Variants in MAP3K7 observed in about 807,000 individuals in gnomAD.
The protein encoded by MAP3K7 is TGF-beta activated kinase 1.
In MAP3K7, 21 loss-of-function variants were observed where a neutral mutation model predicts 84.8. The observed-to-expected ratio is 0.25, with a 90% CI of 0.18 to 0.36. MAP3K7 has a LOEUF of 0.36. Ranked by LOEUF, MAP3K7 falls within the 10% of genes least tolerant of loss-of-function variation. The pLI, the probability that MAP3K7 is intolerant of heterozygous loss-of-function variation, is 1.00. For synonymous variants in MAP3K7, 241 were observed against 247.7 expected, an observed-to-expected ratio of 0.97 and a Z score of 0.25; for missense variants, 503 against 747.7, an observed-to-expected ratio of 0.67 and a Z score of 3.82.
chr6:90,557,969 A>C (rs749674117), intron 5 of MAP3K7, among the ~76,000 whole-genome samples: 15 of 152,186 alleles, frequency 9.9e-5, no homozygotes, highest in Admixed American at 2.0e-4. Flanking sequence ...TTCTTTAGAT[A>C]CCATTTTGAG....
intron 1 of MAP3K7, among the ~76,000 whole-genome samples, chr6:90,579,136 G>C (rs1777182610): frequency 6.6e-6 from 1 of 152,176 alleles, no homozygotes; most frequent in African/African-American, 2.4e-5. Flanking sequence ...CTGGTACAGA[G>C]AAAAATGCTA....
intron 3 of MAP3K7, among the ~76,000 whole-genome samples, chr6:90,567,813 C>T (rs1237316510): frequency 6.6e-6 from 1 of 152,144 alleles, no homozygotes; most frequent in Non-Finnish European, 1.5e-5. Flanking sequence ...GGAACCAACC[C>T]AAATGTCCAT....
intron 9 of MAP3K7, 105 bp from the exon 10 acceptor site, chr6:90,548,282 A>C: frequency 1.0e-6 from 1 of 966,662 alleles, no homozygotes. Flanking sequence ...AGGCAGGAAC[A>C]GAAATAAAAT....
At chr6:90,531,406 A>G (rs1775500572) in intron 13 of MAP3K7, among the ~76,000 whole-genome samples, 1 of 152,238 alleles carries the variant, frequency 6.6e-6, no homozygotes, top group Non-Finnish European at 1.5e-5. Flanking sequence ...CTTCTATGAT[A>G]TTCTTGCTAA....
intron 12 of MAP3K7, among the ~76,000 whole-genome samples, chr6:90,537,880 G>T (rs890919807): frequency 1.3e-5 from 2 of 151,860 alleles, no homozygotes; most frequent in East Asian, 3.9e-4. Context: ...TTGTAAAAGT[G>T]TCTGGAATTC....
intron 13 of MAP3K7, among the ~76,000 whole-genome samples, chr6:90,529,287 C>T (rs554601360): frequency 2.6e-5 from 4 of 152,218 alleles, no homozygotes; most frequent in African/African-American, 7.2e-5. Context: ...GATAATACGG[C>T]GTAGTGCACA....
At chr6:90,537,532 A>C (rs1374762919) in intron 12 of MAP3K7, among the ~76,000 whole-genome samples, 2 of 152,068 alleles carry the variant, frequency 1.3e-5, no homozygotes, top group Non-Finnish European at 2.9e-5. Context: ...TAATATGTGT[A>C]GTGAATATAA....
intron 14 of MAP3K7, among the ~76,000 whole-genome samples, chr6:90,521,312 G>A (rs1582158804): frequency 6.6e-6 from 1 of 151,378 alleles, no homozygotes; most frequent in East Asian, 2.0e-4. Flanking sequence ...AAATCTAATT[G>A]CTTCTCCTGA....
intron 3 of MAP3K7, among the ~76,000 whole-genome samples, chr6:90,561,924 G>A (rs1439583278): frequency 6.6e-6 from 1 of 152,214 alleles, no homozygotes. Flanking sequence ...TCCAGTGCCA[G>A]TAAGTAGGTG....
intron 6 of MAP3K7, among the ~76,000 whole-genome samples, chr6:90,554,020 G>T (rs1776259295): frequency 6.6e-6 from 1 of 152,150 alleles, no homozygotes; most frequent in Non-Finnish European, 1.5e-5. Flanking sequence ...TTGGGCTCAA[G>T]TGATCCTCCT....
rs181959499 is a variant in MAP3K7 at position 90,573,578 on chromosome 6, C to T, written c.121-1771G>A. ...ATGGTTAACATTTATTGAATGTTTACTATGTGCCAGGTACTATTCTATGTG... is the reference window on the plus strand; with the variant it reads ...ATGGTTAACATTTATTGAATGTTTATTATGTGCCAGGTACTATTCTATGTG... On this transcript the variant is annotated intron_variant, in intron 1 of 16. Coordinates refer to ENST00000369329, the MANE Select transcript of MAP3K7 (RefSeq NM_145331.3). Among the ~76,000 whole-genome samples the T allele has an allele frequency of 2.6e-5, 4 of 152,306 alleles. No individual in the cohort carries two copies. In the East Asian group the frequency reaches 7.7e-4, roughly 29 times the overall value.
At chr6:90,575,781 C>G (rs1251683716) in intron 1 of MAP3K7, among the ~76,000 whole-genome samples, 1 of 152,058 alleles carries the variant, frequency 6.6e-6, no homozygotes, top group Non-Finnish European at 1.5e-5. Context: ...AGGTCTTCTG[C>G]CTTCAAAGGA....
At chr6:90,541,306 G>A (rs1582186789) in intron 12 of MAP3K7, among the ~76,000 whole-genome samples, 1 of 151,922 alleles carries the variant, frequency 6.6e-6, no homozygotes, top group East Asian at 1.9e-4. Context: ...GCAAGCAAAT[G>A]CATTAGAAAA....
At chr6:90,531,108 C>G (rs1294337028) in intron 13 of MAP3K7, among the ~76,000 whole-genome samples, 2 of 152,044 alleles carry the variant, frequency 1.3e-5, no homozygotes, top group East Asian at 3.9e-4. Context: ...AATACTAAGC[C>G]AAATTTAAAC....
chr6:90,519,372 G>A (rs954996070), intron 14 of MAP3K7, 53 bp from the exon 15 acceptor site: 25 of 1,158,162 alleles, frequency 2.2e-5, no homozygotes, highest in Middle Eastern at 2.1e-4. Context: ...AATTATAAAC[G>A]AACAGCAAGA....
At chr6:90,552,297 G>T in intron 7 of MAP3K7, 118 bp from the exon 8 acceptor site, 1 of 884,500 alleles carries the variant, frequency 1.1e-6, no homozygotes, top group Non-Finnish European at 1.7e-6. Flanking sequence ...TTTAAGATCT[G>T]TAATTTGGAG....
At chr6:90,530,361 G>A (rs1014753732) in intron 13 of MAP3K7, among the ~76,000 whole-genome samples, 1 of 152,158 alleles carries the variant, frequency 6.6e-6, no homozygotes, top group African/African-American at 2.4e-5. Context: ...CTGAACATCT[G>A]CAATATTAAA....
chr6:90,566,313 C>T lies in MAP3K7; in HGVS notation c.297+2245G>A, dbSNP rs1776702742. ...GACATCATTGTATATTTAGAAAACC[C>T]CATTGTCTCAGCCCAAAATCTCCTT... On this transcript the variant is annotated intron_variant, in intron 3 of 16. Transcript: ENST00000369329. 2.0e-5 allele frequency among the ~76,000 whole-genome samples: 3 copies of T among 152,256 alleles called. No individual in the cohort carries two copies. In the South Asian group the frequency reaches 6.2e-4, roughly 32 times the overall value.
intron 13 of MAP3K7, among the ~76,000 whole-genome samples, chr6:90,533,847 A>C (rs558760379): frequency 3.3e-5 from 5 of 152,300 alleles, no homozygotes; most frequent in Admixed American, 3.3e-4. Context: ...GATGTCAGGG[A>C]CTGCTTTTTT....
Sources: allele counts gnomAD v4.1 joint callset (sites outside exome capture counted in the v4.1 genomes callset), GRCh38; gene constraint gnomAD v4.1.1; transcripts MANE v1.5; gene names NCBI Gene and HGNC (gene_info 2026-07-23, HGNC 2026-07-21).